Variants in WDPCP observed in about 807,000 individuals in gnomAD.
The protein encoded by WDPCP is WD repeat-containing and planar cell polarity effector protein fritz homolog.
A neutral mutation model predicts 93.1 loss-of-function variants in WDPCP; 71 were observed. That is an observed-to-expected ratio of 0.76 (90% CI 0.63 to 0.93). WDPCP has a LOEUF of 0.93. WDPCP is among the 40% of genes least tolerant of loss of function. WDPCP has a pLI of 0.00. For missense variants in WDPCP, 844 were observed against 887.4 expected, an observed-to-expected ratio of 0.95 and a Z score of 0.62; for synonymous variants, 315 against 315.0, an observed-to-expected ratio of 1.00 and a Z score of 0.00.
At chr2:63,482,346 C>T (rs72883662) in intron 6 of WDPCP, among the ~76,000 whole-genome samples, 2 of 152,068 alleles carry the variant, frequency 1.3e-5, no homozygotes, top group African/African-American at 4.8e-5. Context: ...TGAACTTTTT[C>T]ACTCCTTTTC....
intron 1 of WDPCP, among the ~76,000 whole-genome samples, chr2:63,546,971 T>C (rs1006538995): frequency 8.6e-5 from 13 of 151,938 alleles, no homozygotes; most frequent in Admixed American, 7.9e-4. Flanking sequence ...ATGAAAAATA[T>C]AATACTTGAA....
chr2:63,245,246 C>A (rs982291057), intron 14 of WDPCP, among the ~76,000 whole-genome samples: 2 of 152,224 alleles, frequency 1.3e-5, no homozygotes, highest in South Asian at 4.2e-4. Context: ...CCCCATGATA[C>A]CCTGCATAAG....
chr2:63,222,254 A>G (rs763636268), intron 14 of WDPCP, among the ~76,000 whole-genome samples: 9 of 152,200 alleles, frequency 5.9e-5, no homozygotes, highest in Non-Finnish European at 1.3e-4. Context: ...AGTAACAGAC[A>G]CTTTTAACAG....
At chr2:63,520,462 G>GA (rs1457656182) in intron 1 of WDPCP, among the ~76,000 whole-genome samples, 2 of 152,076 alleles carry the variant, frequency 1.3e-5, no homozygotes, top group African/African-American at 4.8e-5. Context: ...CAAAATGAAA[G>GA]AAAAAATGTT....
chr2:63,518,441 C>T (rs1702699832), intron 1 of WDPCP: 1 of 152,280 alleles, frequency 6.6e-6, no homozygotes, highest in East Asian at 1.9e-4. Flanking sequence ...CACCAGGAAC[C>T]TCTGGAATTC....
At chr2:63,369,431 AG>A (rs1305104870) in intron 12 of WDPCP, 2 of 456,508 alleles carry the variant, frequency 4.4e-6, no homozygotes, top group Admixed American at 4.7e-5. Flanking sequence ...CTCTTATAAA[AG>A]TGGTCCTCTA....
intron 2 of WDPCP, among the ~76,000 whole-genome samples, chr2:63,700,764 T>C (rs1669035928): frequency 6.6e-6 from 1 of 152,024 alleles, no homozygotes; most frequent in South Asian, 2.1e-4. Context: ...GCACATACAA[T>C]GGGGAAAGAA....
upstream of WDPCP, chr2:63,588,723 A>G (rs957534268): frequency 2.0e-6 from 1 of 500,434 alleles, no homozygotes; most frequent in Admixed American, 3.2e-5. Context: ...CTGAGCCCAA[A>G]CCATCCGTTT....
At chr2:63,417,669 A>C (rs1037461996) in intron 9 of WDPCP, among the ~76,000 whole-genome samples, 1 of 150,410 alleles carries the variant, frequency 6.6e-6, no homozygotes, top group African/African-American at 2.4e-5. Context: ...TGATTCACAC[A>C]GCACAGACCC....
chr2:63,273,751 G>A (rs1303224259), intron 13 of WDPCP, among the ~76,000 whole-genome samples: 5 of 151,866 alleles, frequency 3.3e-5, no homozygotes, highest in African/African-American at 1.2e-4. Flanking sequence ...TAATGATGAA[G>A]GGATCATTTC....
At chr2:63,461,106 G>A (rs77083715) in intron 6 of WDPCP, among the ~76,000 whole-genome samples, 3,089 of 152,218 alleles carry the variant, frequency 0.02, 121 homozygotes, top group African/African-American at 0.071. Context: ...GGCAGAGCTA[G>A]GAATGGTGCA....
chr2:63,489,716 A>C (rs925162062), intron 2 of WDPCP, among the ~76,000 whole-genome samples: 2 of 152,188 alleles, frequency 1.3e-5, no homozygotes, highest in Non-Finnish European at 2.9e-5. Flanking sequence ...ACATAATGAA[A>C]TAAAATAATG....
At chr2:63,720,427 A>ACAAAAC (rs1553452386) in intron 2 of WDPCP, among the ~76,000 whole-genome samples, 4 of 151,890 alleles carry the variant, frequency 2.6e-5, no homozygotes, top group African/African-American at 9.7e-5. Flanking sequence ...AAAAAAAAAA[A>ACAAAAC]AAAACAAAAC....
chr2:63,522,451 GACAGAC>G (rs1431305308), intron 1 of WDPCP, among the ~76,000 whole-genome samples: 2,061 of 91,988 alleles, frequency 0.022, 37 homozygotes, highest in Admixed American at 0.094. Flanking sequence ...CAGACAGACA[GACAGAC>G]ACACACACAC....
At chr2:63,125,613 T>C (rs530011516) in intron 17 of WDPCP, among the ~76,000 whole-genome samples, 2 of 152,114 alleles carry the variant, frequency 1.3e-5, no homozygotes, top group Non-Finnish European at 2.9e-5. Flanking sequence ...TTTTTTTTGT[T>C]TTGTTTTTTA....
intron 1 of WDPCP, among the ~76,000 whole-genome samples, chr2:63,586,836 C>G (rs1375961961): frequency 6.6e-6 from 1 of 152,190 alleles, no homozygotes; most frequent in African/African-American, 2.4e-5. Flanking sequence ...TATAAAAAGT[C>G]TCCCTTGTAA....
At chr2:63,614,784 G>T (rs1224685981) in intron 3 of WDPCP, among the ~76,000 whole-genome samples, 1 of 152,144 alleles carries the variant, frequency 6.6e-6, no homozygotes, top group Non-Finnish European at 1.5e-5. Context: ...ATGCTTCCCA[G>T]AGAGGAATTT....
chr2:63,165,475 A>G (rs1256456176), intron 15 of WDPCP, among the ~76,000 whole-genome samples: 3 of 151,968 alleles, frequency 2.0e-5, no homozygotes, highest in African/African-American at 7.2e-5. Context: ...TTCTGTGGAA[A>G]AGTTTTTCTT....
chr2:63,379,219 C>G (rs1692102815), intron 11 of WDPCP, among the ~76,000 whole-genome samples: 1 of 152,026 alleles, frequency 6.6e-6, no homozygotes, highest in Admixed American at 6.6e-5. Context: ...CCAGAAATAC[C>G]TGGAAGTTAA....
Sources: gnomAD v4.1 joint callset for allele counts (sites outside exome capture counted in the v4.1 genomes callset) on GRCh38, gnomAD v4.1.1 for gene constraint, MANE v1.5 for transcripts, NCBI Gene and HGNC (gene_info 2026-07-23, HGNC 2026-07-21) for gene names.